The following FRMD4B variants were observed in gnomAD, a reference collection of about 807,000 sequenced individuals.
FRMD4B encodes FERM domain-containing protein 4B.
A neutral mutation model predicts 141.5 loss-of-function variants in FRMD4B; 74 were observed. The observed-to-expected ratio is 0.52, with a 90% CI of 0.43 to 0.63. The LOEUF is 0.63. Ranked by LOEUF, FRMD4B falls within the 30% of genes least tolerant of loss-of-function variation. The pLI, the probability that FRMD4B is intolerant of heterozygous loss-of-function variation, is 0.00. For synonymous variants in FRMD4B, 506 were observed against 467.9 expected, an observed-to-expected ratio of 1.08 and a Z score of -1.05; for missense variants, 1,366 against 1,253.4, an observed-to-expected ratio of 1.09 and a Z score of -1.36.
intron 5 of FRMD4B, among the ~76,000 whole-genome samples, chr3:69,264,012 T>C (rs1185093270): frequency 6.6e-6 from 1 of 150,486 alleles, no homozygotes; most frequent in African/African-American, 2.4e-5. Context: ...TTTTAGAGAC[T>C]GGGTTTTGCC....
chr3:69,484,317 C>T (rs547996168), intron 1 of FRMD4B, among the ~76,000 whole-genome samples: 2 of 152,284 alleles, frequency 1.3e-5, no homozygotes, highest in South Asian at 4.1e-4. Flanking sequence ...GGCCTGGTTA[C>T]AAGACACAAT....
intron 2 of FRMD4B, among the ~76,000 whole-genome samples, chr3:69,423,336 T>C (rs1705015273): frequency 6.6e-6 from 1 of 151,336 alleles, no homozygotes; most frequent in Admixed American, 6.6e-5. Flanking sequence ...ATTTTTGCAA[T>C]CATTCTCTGA....
intron 1 of FRMD4B, among the ~76,000 whole-genome samples, chr3:69,372,390 T>C (rs7635675): frequency 0.69 from 104,609 of 152,162 alleles, 36,134 homozygotes; most frequent in South Asian, 0.78. Context: ...TGAGGCTGGG[T>C]GTGATGGCTC....
intron 4 of FRMD4B, among the ~76,000 whole-genome samples, chr3:69,289,285 T>C (rs1024810940): frequency 1.3e-5 from 2 of 152,228 alleles, no homozygotes; most frequent in Non-Finnish European, 2.9e-5. Flanking sequence ...ACTGTACTTA[T>C]CTCTGAGGAA....
At chr3:69,223,240 G>T (rs2093214958) in intron 8 of FRMD4B, among the ~76,000 whole-genome samples, 1 of 152,114 alleles carries the variant, frequency 6.6e-6, no homozygotes, top group South Asian at 2.1e-4. Flanking sequence ...TCAAGGCTGG[G>T]TGCAGTGGCT....
intron 1 of FRMD4B, among the ~76,000 whole-genome samples, chr3:69,331,104 G>A (rs1156765455): frequency 2.0e-5 from 3 of 152,136 alleles, no homozygotes; most frequent in Admixed American, 1.3e-4. Flanking sequence ...ATTTTCCCCC[G>A]TGTCCCTATC....
chr3:69,499,760 G>A (rs1706462078), intron 1 of FRMD4B, among the ~76,000 whole-genome samples: 1 of 152,160 alleles, frequency 6.6e-6, no homozygotes, highest in Non-Finnish European at 1.5e-5. Flanking sequence ...TCTGCTCCAA[G>A]CCTTCTGGTG....
Position 69,522,628 on chromosome 3 carries a change from G to A in FRMD4B, c.-129+19578C>T, listed in dbSNP as rs144811343. Among the ~76,000 whole-genome samples the A allele has an allele frequency of 3.8e-3, 582 of 152,156 alleles. 6 individuals carry two copies. Among genetic ancestry groups the A allele is most frequent in the African/African-American group, 0.013 (554 of 41,484 alleles). ...TATTTGTCATCTGAAACTGGGGTCC[G>A]TCTTGCCAGTCAAGTATGCATGTCC... On this transcript the variant is annotated intron_variant, in intron 1 of 5. Transcript: ENST00000459638.
At chr3:69,309,204 A>C (rs1047000314) in intron 3 of FRMD4B, among the ~76,000 whole-genome samples, 1 of 151,940 alleles carries the variant, frequency 6.6e-6, no homozygotes, top group African/African-American at 2.4e-5. Flanking sequence ...AACTCACTGT[A>C]GCCTTGAACT....
At chr3:69,390,499 C>T (rs546878563), upstream of FRMD4B, among the ~76,000 whole-genome samples, 9 of 152,218 alleles carry the variant, frequency 5.9e-5, no homozygotes, top group Admixed American at 2.0e-4. Flanking sequence ...CCAGGGATGC[C>T]GCTAAACATT....
intron 5 of FRMD4B, among the ~76,000 whole-genome samples, chr3:69,274,391 G>A (rs1026362586): frequency 6.6e-6 from 1 of 152,176 alleles, no homozygotes; most frequent in Non-Finnish European, 1.5e-5. Context: ...ACCCCATTAT[G>A]CACCTCCTCC....
At chr3:69,236,040 G>A (rs943593174) in intron 7 of FRMD4B, among the ~76,000 whole-genome samples, 4 of 152,078 alleles carry the variant, frequency 2.6e-5, no homozygotes, top group East Asian at 1.9e-4. Context: ...GACAGTCTGC[G>A]TTTTTAAACT....
At chr3:69,432,514 A>G (rs1458880285) in intron 2 of FRMD4B, 1 of 152,224 alleles carries the variant, frequency 6.6e-6, no homozygotes, top group Non-Finnish European at 1.5e-5. Flanking sequence ...ATCATATAAC[A>G]TCCTGTCCAA....
chr3:69,381,943 A>G (rs185212311), intron 1 of FRMD4B, among the ~76,000 whole-genome samples: 1 of 152,312 alleles, frequency 6.6e-6, no homozygotes, highest in East Asian at 1.9e-4. Context: ...CAGCAAATCA[A>G]TGCAATCCAG....
chr3:69,426,415 G>A (rs2106822559), intron 2 of FRMD4B, among the ~76,000 whole-genome samples: 1 of 152,200 alleles, frequency 6.6e-6, no homozygotes, highest in Non-Finnish European at 1.5e-5. Context: ...TAGTCCAGAA[G>A]TGGAAGGAAT....
intron 1 of FRMD4B, among the ~76,000 whole-genome samples, chr3:69,498,664 A>G (rs1559546338): frequency 6.6e-6 from 1 of 152,226 alleles, no homozygotes; most frequent in Non-Finnish European, 1.5e-5. Context: ...TCTACAACAT[A>G]TAACTGTTAA....
At chr3:69,519,806 G>A (rs1029109835) in intron 1 of FRMD4B, among the ~76,000 whole-genome samples, 3 of 151,524 alleles carry the variant, frequency 2.0e-5, no homozygotes, top group African/African-American at 4.8e-5. Context: ...ATCTTTTCCC[G>A]AGTCCCCAAA....
intron 1 of FRMD4B, among the ~76,000 whole-genome samples, chr3:69,365,693 TC>T (rs1379811178): frequency 6.6e-6 from 1 of 152,004 alleles, no homozygotes; most frequent in Non-Finnish European, 1.5e-5. Context: ...AGACGGGGCT[TC>T]ACCATGTTGG....
rs537420962 is a variant in FRMD4B at position 69,536,625 on chromosome 3, G to C, written c.-129+5581C>G. 6.5e-5 allele frequency: 65 copies of C among 1,006,214 alleles called. No homozygotes were observed. The African/African-American group carries it at 8.6e-4, about 13-fold the overall frequency. The allele number at this position is 1,006,214 out of a possible 1,614,324, so 62.3% of individuals were successfully genotyped here. ...CAGGCCTGGCTTTTCAGATTCAGGA[G>C]ACCTGGATGATCCTGCTGTGGAAGT... is the stretch of plus-strand genomic sequence containing the variant. On this transcript the variant is annotated intron_variant, in intron 1 of 5. Coordinates refer to the FRMD4B transcript ENST00000459638.
Sources: allele counts gnomAD v4.1 joint callset (sites outside exome capture counted in the v4.1 genomes callset), GRCh38; gene constraint gnomAD v4.1.1; transcripts MANE v1.5; gene names NCBI Gene and HGNC (gene_info 2026-07-23, HGNC 2026-07-21).